The following EXPH5 variants were observed in gnomAD, a reference collection of about 807,000 sequenced individuals.
EXPH5 encodes the protein exophilin-5.
In EXPH5, 42 loss-of-function variants were observed where a neutral mutation model predicts 41.1. The observed-to-expected ratio is 1.02, with a 90% CI of 0.80 to 1.32. The LOEUF (loss-of-function observed/expected upper bound fraction) is 1.32, where lower values mean the gene tolerates loss of function less well. EXPH5 is among the 40% of genes most tolerant of loss of function. The probability of loss-of-function intolerance (pLI) is 0.00; values close to 1 mark genes in which losing one functional copy is unlikely to be tolerated. For missense variants in EXPH5, 2,298 were observed against 2,314.5 expected, an observed-to-expected ratio of 0.99 and a Z score of 0.15; for synonymous variants, 798 against 833.5, an observed-to-expected ratio of 0.96 and a Z score of 0.73.
rs1337306937 is a variant in EXPH5, at chr11:108,511,511, G to A, written c.3996C>T (p.Phe1332=). The A allele has an allele frequency of 6.3e-7, 1 of 1,596,978 alleles. No individual in the cohort carries two copies. Among genetic ancestry groups the A allele is most frequent in the African/African-American group, 1.4e-5 (1 of 73,898 alleles). The part of the protein sequence containing the change: ...QTLTTENMTA[F]RLSNRGPLAP... ...CTAGGGGCCCCCTATTTGATAATCG[G>A]AAGGCAGTCATATTTTCAGTGGTGA... Residue 1332 remains phenylalanine, a synonymous_variant, in exon 6 of 6, where the codon TTC becomes TTT. Transcript: ENST00000265843.
intron 3 of EXPH5, among the ~76,000 whole-genome samples, chr11:108,532,653 G>A (rs985996693): frequency 6.6e-5 from 10 of 151,718 alleles, no homozygotes; most frequent in East Asian, 1.9e-4. Flanking sequence ...TAAACAAAAC[G>A]AAACGAAAAA....
upstream of EXPH5, among the ~76,000 whole-genome samples, chr11:108,594,635 G>C (rs1435343005): frequency 6.6e-6 from 1 of 151,806 alleles, no homozygotes; most frequent in Admixed American, 6.6e-5. Flanking sequence ...TTTTATCTTG[G>C]CTTCACTTCC....
At chr11:108,556,188 C>T (rs542870296) in intron 1 of EXPH5, among the ~76,000 whole-genome samples, 1 of 151,988 alleles carries the variant, frequency 6.6e-6, no homozygotes, top group African/African-American at 2.4e-5. Flanking sequence ...TAACATCAGG[C>T]TACCTCAGGA....
chr11:108,577,875 CA>C (rs1464148234), intron 1 of EXPH5, among the ~76,000 whole-genome samples: 1 of 152,070 alleles, frequency 6.6e-6, no homozygotes, highest in African/African-American at 2.4e-5. Context: ...ATCTTTCGTC[CA>C]TTTTAAAATT....
At chr11:108,518,099 C>T in intron 5 of EXPH5, 136 bp downstream of exon 5, 1 of 727,672 alleles carries the variant, frequency 1.4e-6, no homozygotes, top group South Asian at 2.1e-5. Flanking sequence ...GCATCCTCTT[C>T]AAATAAGCTA....
intron 3 of EXPH5, among the ~76,000 whole-genome samples, chr11:108,529,618 G>A (rs900508364): frequency 1.3e-5 from 2 of 152,156 alleles, no homozygotes; most frequent in Non-Finnish European, 2.9e-5. Context: ...GCCGAGGTGG[G>A]TGGATCACTT....
chr11:108,535,289 C>T (rs1013445659), intron 3 of EXPH5, among the ~76,000 whole-genome samples: 10 of 152,194 alleles, frequency 6.6e-5, no homozygotes, highest in East Asian at 1.9e-4. Context: ...TAATAATGAT[C>T]GGTCAGACCA....
At chr11:108,528,031 A>C in intron 4 of EXPH5, 105 bp downstream of exon 4, 1 of 701,506 alleles carries the variant, frequency 1.4e-6, no homozygotes. Context: ...TTCTAAAATA[A>C]ATTTAAAACT....
Position 108,513,949 on chromosome 11 carries a change from T to C in EXPH5, c.1558A>G (p.Ile520Val), listed in dbSNP as rs528334002. The C allele has an allele frequency of 1.3e-5, 21 of 1,607,832 alleles. No individual in the cohort carries two copies. Among genetic ancestry groups the C allele is most frequent in the Non-Finnish European group, 1.7e-5 (20 of 1,177,586 alleles). Residue 520 changes from isoleucine (I) to valine (V), a missense_variant, in exon 6 of 6, where the codon ATT becomes GTT. Transcript: ENST00000265843. Reference protein sequence around the residue: ...ISMEANSVSAIHGHNVSSEHW... With the variant: ...ISMEANSVSAVHGHNVSSEHW... ...TCAGAAGAAACATTATGGCCATGAA[T>C]GGCTGATACACTATTTGCTTCCATG... is the stretch of plus-strand genomic sequence containing the variant.
chr11:108,560,072 G>A (rs971127278), intron 1 of EXPH5, among the ~76,000 whole-genome samples: 1 of 152,128 alleles, frequency 6.6e-6, no homozygotes, highest in Non-Finnish European at 1.5e-5. Flanking sequence ...ACGAAAGAAC[G>A]ATAGATCTCA....
intron 1 of EXPH5, among the ~76,000 whole-genome samples, chr11:108,581,116 C>G (rs1376811100): frequency 1.3e-5 from 2 of 151,978 alleles, no homozygotes; most frequent in Non-Finnish European, 2.9e-5. Flanking sequence ...AAAGCCCAGG[C>G]AACATGGCGA....
chr11:108,513,328 G>T lies in EXPH5; in HGVS notation c.2179C>A (p.Pro727Thr), dbSNP rs771561510. Residue 727 changes from proline (P) to threonine (T), a missense_variant, in exon 6 of 6, where the codon CCC (proline) becomes ACC (threonine). Physicochemically the swap from Pro to Thr is conservative, Grantham distance 38 (BLOSUM62 -1). Transcript: ENST00000265843. ...MDQTNKAGEI[P>T]QPVSQTGISN... ...ATCCCTGTCTGTGAAACAGGTTGGGGTATTTCACCTGCCTTGTTTGTCTGG... is the reference window on the plus strand; with the variant it reads ...ATCCCTGTCTGTGAAACAGGTTGGGTTATTTCACCTGCCTTGTTTGTCTGG... 1.2e-6 allele frequency: 2 copies of T among 1,613,870 alleles called. No homozygotes were observed.
In EXPH5 at chr11:108,511,480, T is replaced by C. The variant is rs34978242; in HGVS notation, c.4027A>G (p.Thr1343Ala). 5.1e-3 allele frequency: 8,020 copies of C among 1,584,342 alleles called. 283 individuals are homozygous for C. In the African/African-American group the frequency reaches 0.084, roughly 17 times the overall value. ...TCAACAGAAGCCATTTCCTGTAATG[T>C]AGGAGCTAGGGGCCCCCTATTTGAT... ...RLSNRGPLAP[T>A]LQEMASVEAA... is the part of the protein sequence containing the mutation. The change falls in exon 6 of 6, where the codon ACA becomes GCA. Residue 1343 changes from threonine to alanine, a missense_variant. Coordinates refer to ENST00000265843, the MANE Select transcript of EXPH5 (RefSeq NM_015065.3).
chr11:108,552,749 A>G (rs754755769), intron 1 of EXPH5, among the ~76,000 whole-genome samples: 4 of 152,164 alleles, frequency 2.6e-5, no homozygotes, highest in African/African-American at 4.8e-5. Flanking sequence ...CGTCTCTACA[A>G]AAAACCCCAA....
chr11:108,537,135 T>A (rs1440470288), intron 3 of EXPH5, among the ~76,000 whole-genome samples: 1 of 152,262 alleles, frequency 6.6e-6, no homozygotes, highest in Non-Finnish European at 1.5e-5. Context: ...CCCTTCAGAA[T>A]GTATGACCTG....
In EXPH5 at chr11:108,564,125, C is replaced by CA. The variant is rs200566233; in HGVS notation, c.120-22314dup. ...TGAAACCCTGTCTCTACTAAAAATA[C>CA]AAAAAAAAATAAATTAGCTGGGCAT... On this transcript the variant is annotated intron_variant, in intron 1 of 5. Coordinates refer to ENST00000265843, the MANE Select transcript of EXPH5 (RefSeq NM_015065.3). Among the ~76,000 whole-genome samples, 1,178 of 150,032 alleles carry CA rather than the reference C, an allele frequency of 7.9e-3. 14 individuals carry two copies. Among genetic ancestry groups the CA allele is most frequent in the African/African-American group, 0.025 (1,033 of 40,900 alleles).
At position 108,512,635 on chromosome 11, in the gene EXPH5, C is replaced by T. The variant is rs1417097400; in HGVS notation, c.2872G>A (p.Asp958Asn). Residue 958 changes from aspartate (D) to asparagine (N), a missense_variant, in exon 6 of 6, where the codon GAT becomes AAT. Asp to Asn is a conservative substitution (Grantham distance 23, BLOSUM62 1). Transcript: ENST00000265843. ...SPVPTHDEVV[D>N]VKCHSHSPFR... ...GGAGAGTGTGAATGGCATTTGACAT[C>T]AACCACTTCATCATGTGTAGGCACA... is the stretch of plus-strand genomic sequence containing the variant. The T allele has an allele frequency of 6.2e-7, 1 of 1,614,038 alleles. No individual in the cohort carries two copies. Among genetic ancestry groups the T allele is most frequent in the Admixed American group, 1.7e-5 (1 of 60,008 alleles).
intron 1 of EXPH5, among the ~76,000 whole-genome samples, chr11:108,589,170 G>A (rs2094121555): frequency 6.6e-6 from 1 of 152,114 alleles, no homozygotes; most frequent in Non-Finnish European, 1.5e-5. Context: ...AAGCCATTTG[G>A]GACAGAATCT....
In EXPH5 at chr11:108,518,179, T is replaced by G. The variant is rs1254396851; in HGVS notation, c.631+56A>C. 9 of 1,512,564 alleles carry G rather than the reference T, an allele frequency of 6.0e-6. No individual in the cohort carries two copies. The East Asian group carries it at 2.0e-4, about 34-fold the overall frequency. 93.7% of individuals were successfully genotyped at this position (1,512,564 alleles called of 1,614,324 possible). ...GAGTAGTTTGATACAAACTAGTTAT[T>G]GTTTACTTCCTTTAGTTATCAGTAG... is the stretch of plus-strand genomic sequence containing the variant. On this transcript the variant is annotated intron_variant, in intron 5 of 5. Transcript: ENST00000265843.
Sources: gnomAD v4.1 joint callset for allele counts (sites outside exome capture counted in the v4.1 genomes callset) on GRCh38, gnomAD v4.1.1 for gene constraint, MANE v1.5 for transcripts, NCBI Gene and HGNC (gene_info 2026-07-23, HGNC 2026-07-21) for gene names.